The following HAO1 variants were observed in gnomAD, a reference collection of about 807,000 sequenced individuals.
HAO1 encodes the protein 2-Hydroxyacid oxidase 1.
In HAO1, 34 loss-of-function variants were observed where a neutral mutation model predicts 39.7. The observed-to-expected ratio is 0.86, with a 90% CI of 0.65 to 1.14. The LOEUF is 1.14. HAO1 is among the 50% of genes most tolerant of loss of function. The pLI is 0.00. For synonymous variants in HAO1, 172 were observed against 173.2 expected (o/e 0.99, Z 0.05); for missense variants, 479 against 464.5 (o/e 1.03, Z -0.29).
chr20:7,930,031 T>C (rs1176030335), intron 2 of HAO1, among the ~76,000 whole-genome samples: 2 of 152,114 alleles, frequency 1.3e-5, no homozygotes, highest in Non-Finnish European at 2.9e-5. Flanking sequence ...TTCCCAGAAC[T>C]TTCTGGAGGC....
chr20:7,909,358 G>GACATATATATAT (rs2122771502), intron 3 of HAO1, among the ~76,000 whole-genome samples: 2 of 85,314 alleles, frequency 2.3e-5, no homozygotes, highest in African/African-American at 1.5e-4. Flanking sequence ...TTCGGATTAT[G>GACATATATATAT]ACATATATAT....
intron 2 of HAO1, among the ~76,000 whole-genome samples, chr20:7,924,095 T>G (rs763727563): frequency 2.6e-5 from 4 of 152,140 alleles, no homozygotes; most frequent in Non-Finnish European, 4.4e-5. Flanking sequence ...ATTCTTCTCT[T>G]ATTAGTTTTA....
At chr20:7,934,703 T>G in intron 1 of HAO1, 68 bp from the exon 2 acceptor site, 1 of 941,284 alleles carries the variant, frequency 1.1e-6, no homozygotes, top group South Asian at 2.4e-5. Context: ...AACTTTGACA[T>G]TACATTTTAG....
intron 4 of HAO1, among the ~76,000 whole-genome samples, chr20:7,903,805 G>T (rs1390743637): frequency 6.7e-6 from 1 of 149,658 alleles, no homozygotes; most frequent in African/African-American, 2.5e-5. Flanking sequence ...GATAGCAGTG[G>T]TGGTGGGTGG....
chr20:7,920,743 A>C (rs2050327264), intron 2 of HAO1, among the ~76,000 whole-genome samples: 1 of 152,144 alleles, frequency 6.6e-6, no homozygotes, highest in Admixed American at 6.6e-5. Context: ...TCCTTTGTGT[A>C]CATACACCTC....
chr20:7,928,920 T>C (rs1443345227), intron 2 of HAO1, among the ~76,000 whole-genome samples: 7 of 152,140 alleles, frequency 4.6e-5, no homozygotes, highest in Non-Finnish European at 8.8e-5. Context: ...GATTTCTGGC[T>C]TCTTAAAATT....
At chr20:7,915,602 G>A (rs757550790) in intron 2 of HAO1, among the ~76,000 whole-genome samples, 3 of 151,966 alleles carry the variant, frequency 2.0e-5, no homozygotes, top group Admixed American at 6.6e-5. Flanking sequence ...TAGAGATAGA[G>A]AGATAGACTT....
intron 5 of HAO1, 33 bp from the exon 6 acceptor site, chr20:7,885,897 A>G (rs775691231): frequency 5.1e-6 from 8 of 1,577,004 alleles, no homozygotes; most frequent in Middle Eastern, 1.7e-4. Context: ...ATGTGACTCT[A>G]TTAACACTGA....
chr20:7,940,251 T>A, intron 1 of HAO1, 35 bp downstream of exon 1: 1 of 1,548,478 alleles, frequency 6.5e-7, no homozygotes, highest in Non-Finnish European at 8.8e-7. Flanking sequence ...TTTGTGTAAT[T>A]TTAAAACATG....
At chr20:7,927,873 A>G (rs893325367) in intron 2 of HAO1, among the ~76,000 whole-genome samples, 3 of 152,250 alleles carry the variant, frequency 2.0e-5, no homozygotes, top group Admixed American at 6.5e-5. Flanking sequence ...TAAGTGATTA[A>G]TAATCTGAGC....
At chr20:7,936,548 T>TGTGTGTGTGTGTGTTCG (rs1555775557) in intron 1 of HAO1, among the ~76,000 whole-genome samples, 6 of 50,722 alleles carry the variant, frequency 1.2e-4, no homozygotes, top group Non-Finnish European at 1.4e-4. Flanking sequence ...GTGTGTGTGT[T>TGTGTGTGTGTGTGTTCG]CGCGCGCGCG....
intron 3 of HAO1, among the ~76,000 whole-genome samples, chr20:7,912,221 C>A (rs945362473): frequency 1.3e-5 from 2 of 152,052 alleles, no homozygotes; most frequent in African/African-American, 4.8e-5. Flanking sequence ...GGAAGGAGCC[C>A]AGGAGCAAAA....
At chr20:7,885,189 G>A (rs2050144999) in intron 7 of HAO1, among the ~76,000 whole-genome samples, 1 of 152,162 alleles carries the variant, frequency 6.6e-6, no homozygotes, top group Non-Finnish European at 1.5e-5. Flanking sequence ...AGTTTGGGAT[G>A]CCACTTAGAT....
At chr20:7,920,565 T>A (rs1452674610) in intron 2 of HAO1, among the ~76,000 whole-genome samples, 1 of 152,184 alleles carries the variant, frequency 6.6e-6, no homozygotes, top group African/African-American at 2.4e-5. Flanking sequence ...GATCAATATG[T>A]CACTTTCCTC....
chr20:7,902,065 G>T lies in HAO1; in HGVS notation c.721+4089C>A, dbSNP rs151319575. Among the ~76,000 whole-genome samples, 1,336 of 152,286 alleles carry T rather than the reference G, an allele frequency of 8.8e-3. 18 individuals carry two copies. Among genetic ancestry groups the T allele is most frequent in the African/African-American group, 0.029 (1,220 of 41,556 alleles). On this transcript the variant is annotated intron_variant, in intron 4 of 7. Coordinates refer to ENST00000378789, the MANE Select transcript of HAO1 (RefSeq NM_017545.3). Reference sequence around the variant, plus strand: ...TCTTCTTATGATGAGCAAAGAAAGTGGTTTCTTGGGATGGAATCAACTCCT... The same window carrying T: ...TCTTCTTATGATGAGCAAAGAAAGTTGTTTCTTGGGATGGAATCAACTCCT...
chr20:7,893,832 T>G (rs1281168284), intron 5 of HAO1, among the ~76,000 whole-genome samples: 2 of 152,170 alleles, frequency 1.3e-5, no homozygotes, highest in Non-Finnish European at 2.9e-5. Flanking sequence ...TGAATTAAAC[T>G]CTTCCTCTAT....
intron 1 of HAO1, among the ~76,000 whole-genome samples, chr20:7,936,805 G>A (rs899605474): frequency 6.6e-6 from 1 of 151,924 alleles, no homozygotes; most frequent in African/African-American, 2.4e-5. Flanking sequence ...AATGGAATGG[G>A]AACAGGCATG....
chr20:7,900,940 A>G (rs1199019757), intron 4 of HAO1, among the ~76,000 whole-genome samples: 1 of 152,214 alleles, frequency 6.6e-6, no homozygotes, highest in Non-Finnish European at 1.5e-5. Context: ...CACAGAAATG[A>G]TAAGAGAGCA....
At chr20:7,892,748 GTAGA>G (rs527317339) in intron 5 of HAO1, among the ~76,000 whole-genome samples, 40 of 152,150 alleles carry the variant, frequency 2.6e-4, no homozygotes, top group African/African-American at 6.3e-4. Flanking sequence ...ACATTACTTA[GTAGA>G]TAGATAGATA....
Sources: gnomAD v4.1 joint callset for allele counts (sites outside exome capture counted in the v4.1 genomes callset) on GRCh38, gnomAD v4.1.1 for gene constraint, MANE v1.5 for transcripts, NCBI Gene and HGNC (gene_info 2026-07-23, HGNC 2026-07-21) for gene names.